CADM1: variants seen among roughly 807,000 people sequenced by gnomAD.
The protein encoded by CADM1 is TSLC-1.
A neutral mutation model predicts 53.1 loss-of-function variants in CADM1; 15 were observed. The observed-to-expected ratio is 0.28, with a 90% CI of 0.19 to 0.44. The LOEUF (loss-of-function observed/expected upper bound fraction) is 0.44. Ranked by LOEUF, CADM1 falls within the 20% of genes least tolerant of loss-of-function variation. The probability of loss-of-function intolerance (pLI) is 1.00; values close to 1 mark genes in which losing one functional copy is unlikely to be tolerated. For missense variants in CADM1, 434 were observed against 611.3 expected, an observed-to-expected ratio of 0.71 and a Z score of 3.06; for synonymous variants, 281 against 243.0, an observed-to-expected ratio of 1.16 and a Z score of -1.45.
At chr11:115,249,876 C>T (rs1265181977) in intron 1 of CADM1, among the ~76,000 whole-genome samples, 1 of 152,156 alleles carries the variant, frequency 6.6e-6, no homozygotes, top group Non-Finnish European at 1.5e-5. Flanking sequence ...GTAAGTATAT[C>T]AGAGATGTAG....
chr11:115,209,158 T>C (rs533414857), intron 8 of CADM1, among the ~76,000 whole-genome samples: 4 of 152,264 alleles, frequency 2.6e-5, no homozygotes, highest in African/African-American at 7.2e-5. Flanking sequence ...AATAGGCACA[T>C]TGAAGTTAGG....
intron 11 of CADM1, 116 bp from the exon 12 acceptor site, chr11:115,176,708 A>AG: frequency 1.1e-6 from 1 of 870,862 alleles, no homozygotes. Flanking sequence ...CAGGCAGCAG[A>AG]GGGGAAAAAA....
chr11:115,286,846 T>A (rs1943741668), intron 1 of CADM1, among the ~76,000 whole-genome samples: 1 of 152,110 alleles, frequency 6.6e-6, no homozygotes, highest in Non-Finnish European at 1.5e-5. Flanking sequence ...TCCTGTCACA[T>A]CACTACTGAT....
At chr11:115,491,897 A>G (rs983010730) in intron 1 of CADM1, among the ~76,000 whole-genome samples, 14 of 152,222 alleles carry the variant, frequency 9.2e-5, no homozygotes, top group African/African-American at 3.4e-4. Context: ...GTGGGAATTG[A>G]ACAATGAGAA....
At chr11:115,270,001 T>A (rs1402599924) in intron 1 of CADM1, among the ~76,000 whole-genome samples, 1 of 152,196 alleles carries the variant, frequency 6.6e-6, no homozygotes, top group Non-Finnish European at 1.5e-5. Flanking sequence ...CAAGGAAGGT[T>A]TAGGCGACGA....
intron 1 of CADM1, among the ~76,000 whole-genome samples, chr11:115,446,962 A>G (rs1948465064): frequency 6.6e-6 from 1 of 152,202 alleles, no homozygotes. Context: ...GTAACTGATA[A>G]TAACACAGCT....
chr11:115,340,203 T>C (rs1208871260), intron 1 of CADM1: 2 of 152,112 alleles, frequency 1.3e-5, no homozygotes, highest in Non-Finnish European at 2.9e-5. Flanking sequence ...CTACCTAAGA[T>C]TCATATCTGT....
At chr11:115,478,565 T>C (rs1317035448) in intron 1 of CADM1, among the ~76,000 whole-genome samples, 1 of 151,542 alleles carries the variant, frequency 6.6e-6, no homozygotes, top group East Asian at 1.9e-4. Flanking sequence ...CAGCTTTGTA[T>C]CTTCTCTCTT....
intron 1 of CADM1, among the ~76,000 whole-genome samples, chr11:115,396,595 T>G (rs1041034669): frequency 6.6e-6 from 1 of 152,202 alleles, no homozygotes; most frequent in Admixed American, 6.5e-5. Context: ...GGAGATTAAC[T>G]TTAGAGTTGT....
chr11:115,403,534 T>C (rs905297063), intron 1 of CADM1, among the ~76,000 whole-genome samples: 8 of 152,112 alleles, frequency 5.3e-5, no homozygotes, highest in African/African-American at 1.9e-4. Context: ...ATGGGAATTT[T>C]TGGCATTGTT....
At chr11:115,341,497 A>G (rs1050957722) in intron 1 of CADM1, among the ~76,000 whole-genome samples, 3 of 152,212 alleles carry the variant, frequency 2.0e-5, no homozygotes, top group Non-Finnish European at 4.4e-5. Flanking sequence ...GTTCTCCATC[A>G]AGGAATGTGA....
At chr11:115,260,525 A>G (rs1942939975) in intron 1 of CADM1, among the ~76,000 whole-genome samples, 1 of 152,216 alleles carries the variant, frequency 6.6e-6, no homozygotes, top group Non-Finnish European at 1.5e-5. Flanking sequence ...CAGAATAATG[A>G]GGAGGTATAA....
At chr11:115,181,714 CA>C (rs1182164291) in intron 10 of CADM1, among the ~76,000 whole-genome samples, 6 of 152,194 alleles carry the variant, frequency 3.9e-5, no homozygotes, top group Admixed American at 3.9e-4. Context: ...CTATGAAAAG[CA>C]GAGCTGTTTC....
chr11:115,503,334 G>A (rs1215034336), intron 1 of CADM1, among the ~76,000 whole-genome samples: 1 of 152,234 alleles, frequency 6.6e-6, no homozygotes, highest in Admixed American at 6.5e-5. Context: ...GGCGTGCAGA[G>A]CCGCCCCTGG....
At chr11:115,289,614 G>A (rs1209405251) in intron 1 of CADM1, among the ~76,000 whole-genome samples, 2 of 44,630 alleles carry the variant, frequency 4.5e-5, no homozygotes, top group Admixed American at 2.4e-4. Flanking sequence ...TTTTTTTTTT[G>A]AGACAGAGTC....
chr11:115,450,405 G>A (rs1207380349), intron 1 of CADM1, among the ~76,000 whole-genome samples: 1 of 152,100 alleles, frequency 6.6e-6, no homozygotes, highest in Non-Finnish European at 1.5e-5. Flanking sequence ...CTAAAACTGT[G>A]CTTCTATCTT....
At chr11:115,387,825 C>T (rs761106416) in intron 1 of CADM1, among the ~76,000 whole-genome samples, 5 of 151,844 alleles carry the variant, frequency 3.3e-5, no homozygotes, top group Non-Finnish European at 4.4e-5. Context: ...CTAAAAAAGG[C>T]CTAGAATCAA....
At chr11:115,328,991 T>TA (rs1490412569) in intron 1 of CADM1, among the ~76,000 whole-genome samples, 3 of 151,602 alleles carry the variant, frequency 2.0e-5, no homozygotes, top group African/African-American at 7.3e-5. Context: ...TTTATAACTT[T>TA]AATAAACCTT....
At chr11:115,228,075 G>A (rs746362937) in intron 5 of CADM1, among the ~76,000 whole-genome samples, 6 of 152,194 alleles carry the variant, frequency 3.9e-5, no homozygotes, top group Non-Finnish European at 7.3e-5. Flanking sequence ...CAGAGGAGAG[G>A]GGAAGGTCAT....
Sources: gnomAD v4.1 joint callset for allele counts (sites outside exome capture counted in the v4.1 genomes callset) on GRCh38, gnomAD v4.1.1 for gene constraint, MANE v1.5 for transcripts, NCBI Gene and HGNC (gene_info 2026-07-23, HGNC 2026-07-21) for gene names.